The following GRIA4 variants were observed in gnomAD, a reference collection of about 807,000 sequenced individuals.
GRIA4 encodes the protein glutamate ionotropic receptor AMPA type subunit 4, also known as glutamate receptor 4.
A neutral mutation model predicts 104.0 loss-of-function variants in GRIA4; 34 were observed. That is an observed-to-expected ratio of 0.33 (90% CI 0.25 to 0.44). GRIA4 has a LOEUF of 0.44. Ranked by LOEUF, GRIA4 falls within the 20% of genes least tolerant of loss-of-function variation. The probability of loss-of-function intolerance (pLI) is 1.00; values close to 1 mark genes in which losing one functional copy is unlikely to be tolerated. For missense variants in GRIA4, 750 were observed against 1,096.5 expected (o/e 0.68, Z 4.46); for synonymous variants, 386 against 381.9 (o/e 1.01, Z -0.13).
At chr11:105,954,913 TATA>T (rs772786300) in intron 14 of GRIA4, among the ~76,000 whole-genome samples, 107 of 148,112 alleles carry the variant, frequency 7.2e-4, no homozygotes, top group African/African-American at 2.5e-3. Context: ...TTTCAATTTA[TATA>T]TATATATATA....
chr11:105,778,858 A>G (rs149704920), intron 4 of GRIA4, among the ~76,000 whole-genome samples: 4,501 of 151,468 alleles, frequency 0.03, 133 homozygotes, highest in African/African-American at 0.076. Flanking sequence ...ATATGTATAC[A>G]TGTGCCATGT....
intron 3 of GRIA4, among the ~76,000 whole-genome samples, chr11:105,745,228 A>G (rs940017154): frequency 6.6e-6 from 1 of 152,200 alleles, no homozygotes; most frequent in Non-Finnish European, 1.5e-5. Flanking sequence ...TTCTTTATAA[A>G]GTTCTTTATG....
intron 3 of GRIA4, among the ~76,000 whole-genome samples, chr11:105,742,967 C>T (rs1939408689): frequency 6.6e-6 from 1 of 152,104 alleles, no homozygotes; most frequent in Admixed American, 6.6e-5. Flanking sequence ...GGACTCCTGG[C>T]CTCATGTGAT....
intron 3 of GRIA4, among the ~76,000 whole-genome samples, chr11:105,621,878 C>A (rs1183179921): frequency 6.6e-6 from 1 of 151,694 alleles, no homozygotes; most frequent in Non-Finnish European, 1.5e-5. Flanking sequence ...TTTTTTGAAT[C>A]TTTACTTGTC....
intron 4 of GRIA4, among the ~76,000 whole-genome samples, chr11:105,764,745 C>T (rs1940851031): frequency 6.6e-6 from 1 of 151,672 alleles, no homozygotes. Flanking sequence ...TTTATGTTAC[C>T]TTCACATTAC....
intron 3 of GRIA4, among the ~76,000 whole-genome samples, chr11:105,718,935 T>C (rs370855224): frequency 1.4e-3 from 211 of 152,178 alleles, no homozygotes; most frequent in African/African-American, 4.7e-3. Flanking sequence ...GGAAACAAGG[T>C]AGGGAGTCAG....
intron 10 of GRIA4, 23 bp from the exon 11 acceptor site, chr11:105,918,689 C>T: frequency 9.1e-7 from 1 of 1,100,804 alleles, no homozygotes; most frequent in Non-Finnish European, 1.4e-6. Flanking sequence ...TTCTCCTTTA[C>T]AGTTCTACTT....
intron 3 of GRIA4, among the ~76,000 whole-genome samples, chr11:105,704,437 G>C (rs960688259): frequency 1.3e-5 from 2 of 151,988 alleles, no homozygotes; most frequent in Admixed American, 1.3e-4. Flanking sequence ...GGCCAGTGTG[G>C]TTATAGTCCA....
At chr11:105,775,654 G>A (rs1201694707) in intron 4 of GRIA4, among the ~76,000 whole-genome samples, 10 of 151,676 alleles carry the variant, frequency 6.6e-5, no homozygotes, top group Admixed American at 5.9e-4. Context: ...TTTAAAAACA[G>A]ACAAAAATAT....
intron 14 of GRIA4, among the ~76,000 whole-genome samples, chr11:105,940,108 T>G (rs1243851212): frequency 6.6e-6 from 1 of 152,134 alleles, no homozygotes; most frequent in Non-Finnish European, 1.5e-5. Context: ...CTCACTCTTG[T>G]AATCCCAGCA....
At chr11:105,695,976 CA>C (rs1953263063) in intron 3 of GRIA4, among the ~76,000 whole-genome samples, 1 of 152,190 alleles carries the variant, frequency 6.6e-6, no homozygotes, top group Non-Finnish European at 1.5e-5. Flanking sequence ...GAAAAGAAGG[CA>C]AACAAGCACT....
chr11:105,898,570 A>G (rs952512818), intron 7 of GRIA4, 143 bp downstream of exon 7: 9 of 608,376 alleles, frequency 1.5e-5, no homozygotes, highest in Non-Finnish European at 2.3e-5. Context: ...ACTGCCTTGC[A>G]CATGCTCTTA....
In GRIA4 at chr11:105,821,055, A is replaced by G. The variant is rs576577388; in HGVS notation, c.488-40969A>G. 9.1e-4 allele frequency among the ~76,000 whole-genome samples: 138 copies of G among 152,220 alleles called. 1 individual carries two copies. Among genetic ancestry groups the G allele is most frequent in the African/African-American group, 3.2e-3 (132 of 41,558 alleles). On this transcript the variant is annotated intron_variant, in intron 4 of 16. Coordinates refer to ENST00000282499, the MANE Select transcript of GRIA4 (RefSeq NM_000829.4). The stretch of plus-strand genomic sequence containing the variant: ...CCATTGACCTCTCTTCCTCACTCTC[A>G]TACCTTCTGTTCAATTTGAAATTTC...
intron 3 of GRIA4, among the ~76,000 whole-genome samples, chr11:105,634,530 AAAG>A (rs1345812923): frequency 8.9e-4 from 28 of 31,288 alleles, no homozygotes; most frequent in African/African-American, 2.2e-3. Context: ...GAAAGAAAGA[AAAG>A]AAAGAAAAAG....
Position 105,753,368 on chromosome 11 carries a change from G to A in GRIA4, c.487+148G>A, listed in dbSNP as rs1045124606. On this transcript the variant is annotated intron_variant, in intron 4 of 16. Coordinates refer to ENST00000282499, the MANE Select transcript of GRIA4 (RefSeq NM_000829.4). ...GATGTGTATTTTTATCTTGACTCTG[G>A]GGAAAAATTTCTAATTAAACGAGTT... 4.1e-6 allele frequency: 3 copies of A among 732,080 alleles called. No individual in the cohort carries two copies. The African/African-American group carries it at 5.3e-5, about 13-fold the overall frequency. The allele number at this position is 732,080 out of a possible 1,614,324, so 45.3% of individuals were successfully genotyped here. A position where few individuals can be genotyped will look rare whatever the true frequency, so the allele number is the denominator to read the frequency against.
At chr11:105,752,940 G>C (rs774307529) in intron 3 of GRIA4, 41 bp from the exon 4 acceptor site, 6 of 1,581,838 alleles carry the variant, frequency 3.8e-6, no homozygotes, top group Non-Finnish European at 4.3e-6. Flanking sequence ...AACAATTTGA[G>C]TGTGCTAATA....
chr11:105,667,831 T>G (rs908425559), intron 3 of GRIA4, among the ~76,000 whole-genome samples: 3 of 152,038 alleles, frequency 2.0e-5, no homozygotes, highest in African/African-American at 7.2e-5. Context: ...TCTTTCTTTT[T>G]AATTTTGTGG....
chr11:105,634,441 GAAGGAAGGAGAA>G (rs1951128910), intron 3 of GRIA4, among the ~76,000 whole-genome samples: 7 of 111,080 alleles, frequency 6.3e-5, no homozygotes, highest in East Asian at 5.0e-4. Flanking sequence ...GAGGAGAAAG[GAAGGAAGGAGAA>G]AGAAAGAAAG....
chr11:105,727,656 C>G (rs976567467), intron 3 of GRIA4, among the ~76,000 whole-genome samples: 1 of 152,112 alleles, frequency 6.6e-6, no homozygotes, highest in Admixed American at 6.5e-5. Flanking sequence ...AAGGGAAGCC[C>G]ATCAGACTAA....
Sources: allele counts gnomAD v4.1 joint callset (sites outside exome capture counted in the v4.1 genomes callset), GRCh38; gene constraint gnomAD v4.1.1; transcripts MANE v1.5; gene names NCBI Gene and HGNC (gene_info 2026-07-23, HGNC 2026-07-21).